Variants in SLC4A10 observed in about 807,000 individuals in gnomAD.
SLC4A10 encodes sodium-driven chloride bicarbonate exchanger.
SLC4A10 carries 42 observed loss-of-function variants against 137.7 expected under a neutral mutation model. That is an observed-to-expected ratio of 0.30 (90% CI 0.24 to 0.39). SLC4A10 has a LOEUF of 0.39. Among genes scored for constraint, SLC4A10 ranks in the 10% least tolerant of loss-of-function variants. The pLI is 1.00. For missense variants in SLC4A10, 925 were observed against 1,355.0 expected (o/e 0.68, Z 4.98); for synonymous variants, 474 against 464.1 (o/e 1.02, Z -0.27).
chr2:161,702,226 G>A (rs1438318271), intron 1 of SLC4A10, among the ~76,000 whole-genome samples: 1 of 151,820 alleles, frequency 6.6e-6, no homozygotes, highest in Non-Finnish European at 1.5e-5. Context: ...GCCATAAAAA[G>A]AATAAAATCC....
intron 3 of SLC4A10, among the ~76,000 whole-genome samples, chr2:161,839,070 A>G (rs759461735): frequency 6.6e-5 from 10 of 152,252 alleles, no homozygotes; most frequent in Non-Finnish European, 1.5e-4. Flanking sequence ...AATGTCCTCC[A>G]GCAGGTGAAT....
chr2:161,947,677 C>G lies in SLC4A10; in HGVS notation c.2215C>G (p.Leu739Val). 1 of 1,613,230 alleles carries G rather than the reference C, an allele frequency of 6.2e-7. No individual in the cohort carries two copies. The highest frequency in any genetic ancestry group is 2.2e-5 in the East Asian group (1 of 44,866). ...SVILFFSTVT[L>V]SATLKQFKTS... ...GATCCTGTTCTTTTCCACAGTTACTCTGTCAGCCACCCTGAAGCAGTTCAA... is the reference window on the plus strand; with the variant it reads ...GATCCTGTTCTTTTCCACAGTTACTGTGTCAGCCACCCTGAAGCAGTTCAA... Residue 739 changes from leucine (L) to valine (V), a missense_variant, in exon 17 of 27, where the codon CTG becomes GTG. Leu to Val is a conservative substitution (Grantham distance 32). Around this residue, in one of 11 missense-constraint regions of SLC4A10, gnomAD observed 82 missense variants for 151.4 expected, o/e 0.54. Coordinates refer to ENST00000446997, the MANE Select transcript of SLC4A10 (RefSeq NM_001178015.2).
intron 1 of SLC4A10, among the ~76,000 whole-genome samples, chr2:161,660,584 C>CT (rs1553479818): frequency 2.3e-5 from 3 of 130,960 alleles, no homozygotes; most frequent in Non-Finnish European, 3.5e-5. Flanking sequence ...TTCTTTCTTT[C>CT]TTTCTTTCTT....
At chr2:161,961,532 T>A (rs1310111897) in intron 21 of SLC4A10, among the ~76,000 whole-genome samples, 2 of 146,222 alleles carry the variant, frequency 1.4e-5, no homozygotes, top group Non-Finnish European at 3.0e-5. Flanking sequence ...TTTGTTTATT[T>A]GTTTTTCTTT....
chr2:161,827,367 G>A (rs1368935411), intron 3 of SLC4A10, among the ~76,000 whole-genome samples: 26 of 152,068 alleles, frequency 1.7e-4, no homozygotes, highest in Admixed American at 1.7e-3. Flanking sequence ...TCACCTCAAA[G>A]TTAGCATATG....
intron 1 of SLC4A10, among the ~76,000 whole-genome samples, chr2:161,665,272 T>C (rs1474758649): frequency 6.6e-6 from 1 of 151,806 alleles, no homozygotes; most frequent in Non-Finnish European, 1.5e-5. Flanking sequence ...TTCAAGATCA[T>C]ATATCTGAGA....
At chr2:161,973,465 G>A (rs570440178) in intron 23 of SLC4A10, among the ~76,000 whole-genome samples, 1 of 152,224 alleles carries the variant, frequency 6.6e-6, no homozygotes, top group East Asian at 1.9e-4. Context: ...AGAAATGCAT[G>A]TATAAATATA....
At chr2:161,856,895 A>T (rs1046354120) in intron 5 of SLC4A10, among the ~76,000 whole-genome samples, 1 of 152,222 alleles carries the variant, frequency 6.6e-6, no homozygotes, top group African/African-American at 2.4e-5. Context: ...GCTTAAATCG[A>T]TGATGGCGCT....
At chr2:161,713,995 C>T (rs368623625) in intron 1 of SLC4A10, among the ~76,000 whole-genome samples, 4 of 151,556 alleles carry the variant, frequency 2.6e-5, no homozygotes, top group Admixed American at 6.6e-5. Context: ...TTATTACTCT[C>T]AGTATAAATG....
chr2:161,770,724 G>A (rs561266120), intron 1 of SLC4A10, among the ~76,000 whole-genome samples: 55 of 151,734 alleles, frequency 3.6e-4, no homozygotes, highest in African/African-American at 1.3e-3. Context: ...CTGACAAATG[G>A]TGCCAACTGG....
chr2:161,813,631 G>T (rs1411560666), intron 3 of SLC4A10, among the ~76,000 whole-genome samples: 2 of 152,072 alleles, frequency 1.3e-5, no homozygotes, highest in African/African-American at 4.8e-5. Flanking sequence ...CTCTTAGACT[G>T]CAGGAATGGA....
intron 1 of SLC4A10, among the ~76,000 whole-genome samples, chr2:161,705,814 T>G (rs1423354638): frequency 6.6e-6 from 1 of 151,538 alleles, no homozygotes; most frequent in African/African-American, 2.4e-5. Flanking sequence ...GATACACTCT[T>G]TTGGCTCTCT....
intron 15 of SLC4A10, among the ~76,000 whole-genome samples, chr2:161,926,633 G>T (rs1230042152): frequency 7.1e-6 from 1 of 141,282 alleles, no homozygotes; most frequent in Admixed American, 7.4e-5. Context: ...CTTGTTACTT[G>T]ATGCAGTTAC....
At chr2:161,907,448 T>C (rs2105360161) in intron 15 of SLC4A10, among the ~76,000 whole-genome samples, 1 of 152,350 alleles carries the variant, frequency 6.6e-6, no homozygotes, top group East Asian at 1.9e-4. Context: ...TCAAATCTAC[T>C]ACATGCCAGG....
chr2:161,881,889 T>C (rs937237024), intron 9 of SLC4A10, among the ~76,000 whole-genome samples: 11 of 151,996 alleles, frequency 7.2e-5, no homozygotes, highest in African/African-American at 2.7e-4. Context: ...TAATGAAAAT[T>C]GCACATACAC....
At chr2:161,833,266 T>C (rs1575181041) in intron 3 of SLC4A10, among the ~76,000 whole-genome samples, 1 of 152,324 alleles carries the variant, frequency 6.6e-6, no homozygotes, top group East Asian at 1.9e-4. Flanking sequence ...CAACTTGTAA[T>C]CCATCTGGAG....
intron 1 of SLC4A10, among the ~76,000 whole-genome samples, chr2:161,761,394 C>T (rs953803733): frequency 6.6e-6 from 1 of 151,834 alleles, no homozygotes; most frequent in African/African-American, 2.4e-5. Flanking sequence ...CATTTATGAG[C>T]AAATTAACAT....
chr2:161,678,065 C>A (rs2040455545), intron 1 of SLC4A10, among the ~76,000 whole-genome samples: 1 of 152,054 alleles, frequency 6.6e-6, no homozygotes, highest in South Asian at 2.1e-4. Context: ...TTGCTTTTAT[C>A]TTTTTTCACT....
intron 1 of SLC4A10, among the ~76,000 whole-genome samples, chr2:161,752,666 AAC>A (rs766556184): frequency 3.9e-5 from 6 of 152,168 alleles, no homozygotes; most frequent in Non-Finnish European, 2.9e-5. Flanking sequence ...CATTTGCAAA[AAC>A]ACAGATGAAT....
Sources: allele counts gnomAD v4.1 joint callset (sites outside exome capture counted in the v4.1 genomes callset), GRCh38; gene constraint gnomAD v4.1.1; regional missense constraint gnomAD v4.1.1; transcripts MANE v1.5; gene names NCBI Gene and HGNC (gene_info 2026-07-23, HGNC 2026-07-21).